ANGPTL2: variants seen among roughly 807,000 people sequenced by gnomAD.
The protein encoded by ANGPTL2 is angiopoietin like 2.
In ANGPTL2, 25 loss-of-function variants were observed where a neutral mutation model predicts 52.8. That is an observed-to-expected ratio of 0.47 (90% CI 0.35 to 0.66). The LOEUF (loss-of-function observed/expected upper bound fraction) is 0.66, where lower values mean the gene tolerates loss of function less well. ANGPTL2 is among the 30% of genes least tolerant of loss of function. The pLI, the probability that ANGPTL2 is intolerant of heterozygous loss-of-function variation, is 0.01. For missense variants in ANGPTL2, 546 were observed against 656.9 expected, an observed-to-expected ratio of 0.83 and a Z score of 1.84; for synonymous variants, 276 against 277.4, an observed-to-expected ratio of 1.00 and a Z score of 0.05.
At chr9:127,104,844 T>G (rs545307159) in intron 2 of ANGPTL2, among the ~76,000 whole-genome samples, 3 of 152,366 alleles carry the variant, frequency 2.0e-5, no homozygotes, top group African/African-American at 7.2e-5. Context: ...AAGGTATTTC[T>G]GGCTAAGTGA....
At chr9:127,116,515 A>G (rs537157080) in intron 1 of ANGPTL2, among the ~76,000 whole-genome samples, 2 of 152,348 alleles carry the variant, frequency 1.3e-5, no homozygotes, top group East Asian at 3.9e-4. Flanking sequence ...GCCATTTCAG[A>G]GTCCAGCTTC....
At chr9:127,102,825 T>C (rs2053867855) in intron 2 of ANGPTL2, among the ~76,000 whole-genome samples, 1 of 152,246 alleles carries the variant, frequency 6.6e-6, no homozygotes, top group Non-Finnish European at 1.5e-5. Context: ...CTGGATTATG[T>C]AGTTTGTACT....
At chr9:127,114,151 T>G (rs1264833716) in intron 1 of ANGPTL2, among the ~76,000 whole-genome samples, 1 of 152,246 alleles carries the variant, frequency 6.6e-6, no homozygotes, top group Non-Finnish European at 1.5e-5. Context: ...AGGGCCGCCA[T>G]GCATGGTGGC....
chr9:127,098,495 G>T (rs1017835412), intron 2 of ANGPTL2, among the ~76,000 whole-genome samples: 1 of 152,232 alleles, frequency 6.6e-6, no homozygotes, highest in Non-Finnish European at 1.5e-5. Context: ...AGCCGAGTCT[G>T]TGTGGTTCCC....
chr9:127,119,181 A>G (rs570675976), intron 1 of ANGPTL2, among the ~76,000 whole-genome samples: 2 of 152,304 alleles, frequency 1.3e-5, no homozygotes, highest in South Asian at 4.1e-4. Flanking sequence ...GTCACTGACC[A>G]TATTACCACA....
At chr9:127,097,114 G>A (rs1416524) in intron 2 of ANGPTL2, among the ~76,000 whole-genome samples, 3,707 of 152,154 alleles carry the variant, frequency 0.024, 55 homozygotes, top group Middle Eastern at 0.048. Flanking sequence ...GTCAGCCAGC[G>A]AAAAAAATAA....
chr9:127,093,392 C>CT (rs2052717566), intron 3 of ANGPTL2, among the ~76,000 whole-genome samples: 1 of 152,176 alleles, frequency 6.6e-6, no homozygotes, highest in East Asian at 1.9e-4. Flanking sequence ...GGAAACCCCA[C>CT]TTGGGAGTGA....
chr9:127,105,285 T>A (rs2054112429), intron 2 of ANGPTL2, among the ~76,000 whole-genome samples: 1 of 152,176 alleles, frequency 6.6e-6, no homozygotes, highest in African/African-American at 2.4e-5. Context: ...TTCCCTCCCA[T>A]GACGGCGTGC....
At chr9:127,094,883 C>T (rs1405694806) in intron 2 of ANGPTL2, among the ~76,000 whole-genome samples, 4 of 152,136 alleles carry the variant, frequency 2.6e-5, no homozygotes, top group African/African-American at 4.8e-5. Flanking sequence ...GGTCTTTTAG[C>T]CCTCCCCACC....
chr9:127,098,659 G>C (rs1232613331), intron 2 of ANGPTL2, among the ~76,000 whole-genome samples: 4 of 152,076 alleles, frequency 2.6e-5, no homozygotes, highest in African/African-American at 9.7e-5. Context: ...ATCAGCTTTG[G>C]GTGCTTCCTT....
In ANGPTL2 at chr9:127,091,883, G is replaced by T; in HGVS notation, c.1069C>A (p.Leu357Met). Reference protein sequence around the residue: ...YWLGLENIYWLTNQGNYKLLV... With the variant: ...YWLGLENIYWMTNQGNYKLLV... ...AGTTTGTAGTTGCCTTGGTTCGTCA[G>T]CCAGTAAATGTTCTCCAGGCCCAGC... The change falls in exon 4 of 5, where the codon CTG becomes ATG. Residue 357 changes from leucine (L) to methionine (M), a missense_variant. Leu to Met is a conservative substitution (Grantham distance 15). Coordinates refer to ENST00000373425, the MANE Select transcript of ANGPTL2 (RefSeq NM_012098.3). This position sits in a 1 kb window ranked among gnomAD's most constrained non-coding sequence, Gnocchi z 4.3. 1 of 1,614,136 alleles carries T rather than the reference G, an allele frequency of 6.2e-7. No homozygotes were observed. Among genetic ancestry groups the T allele is most frequent in the Non-Finnish European group, 8.5e-7 (1 of 1,180,032 alleles).
In ANGPTL2 at chr9:127,106,752, C is replaced by T. The variant is rs1047405212; in HGVS notation, c.817+1163G>A. Among the ~76,000 whole-genome samples the T allele has an allele frequency of 2.0e-5, 3 of 152,230 alleles. No individual in the cohort carries two copies. The South Asian group carries it at 6.2e-4, about 32-fold the overall frequency. On this transcript the variant is annotated intron_variant, in intron 2 of 4. Transcript: ENST00000373425. ...CTGAAAACAATGCTGCCCTTGTCCT[C>T]TGCACTGGCCACCCTCCTGCACTCA...
intron 1 of ANGPTL2, among the ~76,000 whole-genome samples, chr9:127,116,941 C>G (rs1053355643): frequency 2.0e-5 from 3 of 152,210 alleles, no homozygotes; most frequent in African/African-American, 7.2e-5. Context: ...AGGTTTCTTA[C>G]CCACACAATC....
intron 2 of ANGPTL2, among the ~76,000 whole-genome samples, chr9:127,095,200 C>T (rs1222878804): frequency 1.3e-5 from 2 of 152,170 alleles, no homozygotes; most frequent in Admixed American, 6.5e-5. Flanking sequence ...AGATCGAGAC[C>T]ATCCTGGCTA....
At chr9:127,115,442 A>G (rs2055302171) in intron 1 of ANGPTL2, among the ~76,000 whole-genome samples, 1 of 152,178 alleles carries the variant, frequency 6.6e-6, no homozygotes, top group Non-Finnish European at 1.5e-5. Flanking sequence ...TTCACTCTCA[A>G]TATTGTCCTG....
chr9:127,092,112 T>A (rs2052558841), intron 3 of ANGPTL2, among the ~76,000 whole-genome samples, 172 bp from the exon 4 acceptor site: 1 of 152,180 alleles, frequency 6.6e-6, no homozygotes. Context: ...ACTCACACAT[T>A]ATTCAAAAAT....
In ANGPTL2 at chr9:127,088,773, G is replaced by A. The variant is rs1325648562; in HGVS notation, c.*166C>T. 14 of 748,210 alleles carry A rather than the reference G, an allele frequency of 1.9e-5. No homozygotes were observed. The highest frequency in any genetic ancestry group is 5.3e-5 in the African/African-American group (3 of 56,736). 46.3% of individuals were successfully genotyped at this position (748,210 alleles called of 1,614,324 possible). On this transcript the variant is annotated 3_prime_UTR_variant, in exon 5 of 5. Transcript: ENST00000373425. ...TAGGAGGGACAGAAAACACCGTATCGATTCAGTTCCATCATCCGCTGCAGT... is the reference window on the plus strand; with the variant it reads ...TAGGAGGGACAGAAAACACCGTATCAATTCAGTTCCATCATCCGCTGCAGT...
intron 2 of ANGPTL2, among the ~76,000 whole-genome samples, chr9:127,107,649 C>A (rs1564592363): frequency 6.6e-6 from 1 of 152,194 alleles, no homozygotes; most frequent in Non-Finnish European, 1.5e-5. Context: ...GGGTTCTTTC[C>A]TGTCAGAAAC....
intron 2 of ANGPTL2, among the ~76,000 whole-genome samples, chr9:127,099,341 G>C (rs2053489625): frequency 6.6e-6 from 1 of 152,204 alleles, no homozygotes; most frequent in African/African-American, 2.4e-5. Flanking sequence ...CATGAGAACT[G>C]TATGCTGTTT....
Sources: allele counts gnomAD v4.1 joint callset (sites outside exome capture counted in the v4.1 genomes callset), GRCh38; gene constraint gnomAD v4.1.1; non-coding constraint Gnocchi (gnomAD v3.1); transcripts MANE v1.5; gene names NCBI Gene and HGNC (gene_info 2026-07-23, HGNC 2026-07-21).